Variants in BAZ1B observed in about 807,000 individuals in gnomAD.
BAZ1B encodes the protein tyrosine-protein kinase BAZ1B.
Under a neutral mutation model 153.8 loss-of-function variants are expected in BAZ1B, and 22 were observed. The observed-to-expected ratio is 0.14, with a 90% CI of 0.10 to 0.20. BAZ1B has a LOEUF of 0.20. Among genes scored for constraint, BAZ1B ranks in the 10% least tolerant of loss-of-function variants. The pLI is 1.00. For synonymous variants in BAZ1B, 676 were observed against 633.4 expected (o/e 1.07, Z -1.01); for missense variants, 1,325 against 1,799.3 (o/e 0.74, Z 4.77).
At chr7:73,488,495 GC>G (rs1343965692) in intron 6 of BAZ1B, among the ~76,000 whole-genome samples, 1 of 152,002 alleles carries the variant, frequency 6.6e-6, no homozygotes, top group East Asian at 1.9e-4. Flanking sequence ...ACTTTGGGAG[GC>G]CGAGGCAGGC....
rs184082214 is a variant in BAZ1B at position 73,511,935 on chromosome 7, G to A, written c.108-1083C>T. Reference sequence around the variant, plus strand: ...AATCCCAGCTACTCAGGAGGCTGAGGCAGGAGAATCACTTGAACCTGGGAG... The same window carrying A: ...AATCCCAGCTACTCAGGAGGCTGAGACAGGAGAATCACTTGAACCTGGGAG... On this transcript the variant is annotated intron_variant, in intron 1 of 19. Transcript: ENST00000339594. Among the ~76,000 whole-genome samples the A allele has an allele frequency of 2.8e-3, 422 of 149,216 alleles. 2 individuals carry two copies. Among genetic ancestry groups the A allele is most frequent in the African/African-American group, 0.01 (412 of 40,378 alleles).
At chr7:73,443,864 T>G in intron 17 of BAZ1B, 120 bp downstream of exon 17, 3 of 1,478,766 alleles carry the variant, frequency 2.0e-6, no homozygotes, top group Non-Finnish European at 1.8e-6. Context: ...GCCTCCCAAG[T>G]TTGGTAAGAA....
intron 6 of BAZ1B, among the ~76,000 whole-genome samples, chr7:73,488,506 CGGA>C (rs1369628752): frequency 6.6e-6 from 1 of 151,996 alleles, no homozygotes; most frequent in Non-Finnish European, 1.5e-5. Context: ...CCGAGGCAGG[CGGA>C]TCACTTGAGG....
Position 73,476,930 on chromosome 7 carries a change from C to A in BAZ1B, c.2531G>T (p.Ser844Ile), listed in dbSNP as rs1218745505. 1 of 1,613,062 alleles carries A rather than the reference C, an allele frequency of 6.2e-7. No homozygotes were observed. The highest frequency in any genetic ancestry group is 8.5e-7 in the Non-Finnish European group (1 of 1,179,852). ...EAEDMISAVKSRRLLAIQAKK... is the reference protein window; with the variant it reads ...EAEDMISAVKIRRLLAIQAKK... ...AGCTTGAATGGCAAGCAACCTTCTG[C>A]TCTTCACAGCACTAATCATGTCTTC... Residue 844 changes from serine (S) to isoleucine (I), a missense_variant, in exon 7 of 20, where the codon AGC (serine) becomes ATC (isoleucine). Around this residue, in one of 9 missense-constraint regions of BAZ1B, gnomAD observed 431 missense variants for 563.5 expected, o/e 0.76. Coordinates refer to ENST00000339594, the MANE Select transcript of BAZ1B (RefSeq NM_032408.4).
intron 8 of BAZ1B, 75 bp from the exon 9 acceptor site, chr7:73,469,725 T>C: frequency 2.0e-6 from 3 of 1,533,134 alleles, no homozygotes; most frequent in Non-Finnish European, 2.7e-6. Context: ...CTGGAGAAGA[T>C]AATACAGAGT....
intron 13 of BAZ1B, among the ~76,000 whole-genome samples, chr7:73,454,844 C>G (rs967119396): frequency 6.6e-6 from 1 of 152,066 alleles, no homozygotes; most frequent in Non-Finnish European, 1.5e-5. Flanking sequence ...TTGAGTTCCC[C>G]GAAGGCAAGA....
chr7:73,482,750 C>A (rs1554573859), intron 6 of BAZ1B, among the ~76,000 whole-genome samples: 3 of 152,060 alleles, frequency 2.0e-5, no homozygotes, highest in Non-Finnish European at 4.4e-5. Flanking sequence ...GTCTAGCAAC[C>A]CATTTTTATT....
At chr7:73,462,064 G>A (rs1221530761) in intron 12 of BAZ1B, among the ~76,000 whole-genome samples, 2 of 152,152 alleles carry the variant, frequency 1.3e-5, no homozygotes, top group African/African-American at 4.8e-5. Context: ...AACATGCCCC[G>A]TCTCTACAAA....
rs1554573011 is a variant in BAZ1B at position 73,477,559 on chromosome 7, A to G, written c.1902T>C (p.Ala634=). ...LLPDAQYPIT[A]VSLMEALSAD... ...CACTCAAGGCTTCCATAAGGGACACAGCAGTAATAGGATACTGAGCATCTG... is the reference window on the plus strand; with the variant it reads ...CACTCAAGGCTTCCATAAGGGACACGGCAGTAATAGGATACTGAGCATCTG... The change falls in exon 7 of 20, where the codon GCT becomes GCC. Residue 634 remains alanine (A), a synonymous_variant. Coordinates refer to ENST00000339594, the MANE Select transcript of BAZ1B (RefSeq NM_032408.4). This position sits in a 1 kb window ranked among gnomAD's most constrained non-coding sequence, Gnocchi z 5.6. 1 of 1,614,112 alleles carries G rather than the reference A, an allele frequency of 6.2e-7. No homozygotes were observed. The highest frequency in any genetic ancestry group is 8.5e-7 in the Non-Finnish European group (1 of 1,180,050).
intron 4 of BAZ1B, 66 bp from the exon 5 acceptor site, chr7:73,492,987 C>G (rs1326659256): frequency 6.7e-7 from 1 of 1,487,732 alleles, no homozygotes; most frequent in Non-Finnish European, 9.1e-7. Context: ...CATTCATTAA[C>G]AAGTCTTAAC....
chr7:73,470,656 GTCC>G (rs1788768490), intron 7 of BAZ1B, among the ~76,000 whole-genome samples, 173 bp from the exon 8 acceptor site: 1 of 152,104 alleles, frequency 6.6e-6, no homozygotes, highest in African/African-American at 2.4e-5. Context: ...GCAACATCTA[GTCC>G]TCCTACACTC....
At chr7:73,470,936 T>A (rs1788780584) in intron 7 of BAZ1B, among the ~76,000 whole-genome samples, 1 of 152,288 alleles carries the variant, frequency 6.6e-6, no homozygotes, top group South Asian at 2.1e-4. Flanking sequence ...GGTTTCCCCA[T>A]GTTGTCCAGG....
chr7:73,489,288 G>A lies in BAZ1B; in HGVS notation c.797C>T (p.Thr266Ile). The A allele has an allele frequency of 6.2e-7, 1 of 1,614,170 alleles. No homozygotes were observed. Among genetic ancestry groups the A allele is most frequent in the Non-Finnish European group, 8.5e-7 (1 of 1,180,016 alleles). ...FIRHNALRAG[T>I]GENAPWVVED... ...TACGACCCAAGGTGCATTTTCACCA[G>A]TACCAGCTCGTAATGCATTATGCCG... Residue 266 changes from threonine (T) to isoleucine (I), a missense_variant, in exon 6 of 20, where the codon ACT becomes ATT. This residue lies in a region of BAZ1B where 219 missense variants were observed against 248.2 expected (regional missense o/e 0.88). Coordinates refer to ENST00000339594, the MANE Select transcript of BAZ1B (RefSeq NM_032408.4).
intron 12 of BAZ1B, among the ~76,000 whole-genome samples, chr7:73,461,638 A>G (rs1244106371): frequency 2.0e-5 from 3 of 152,268 alleles, no homozygotes; most frequent in Admixed American, 2.0e-4. Flanking sequence ...AAGATTAATT[A>G]AAAAGAAAAA....
chr7:73,498,472 T>A (rs1790003569), intron 4 of BAZ1B, 25 bp downstream of exon 4: 1 of 1,597,468 alleles, frequency 6.3e-7, no homozygotes, highest in African/African-American at 1.3e-5. Flanking sequence ...CATAAAACAC[T>A]AAGGAAAGCT....
At chr7:73,443,505 A>G (rs1787707523) in intron 17 of BAZ1B, among the ~76,000 whole-genome samples, 2 of 146,306 alleles carry the variant, frequency 1.4e-5, no homozygotes, top group Non-Finnish European at 3.1e-5. Flanking sequence ...TTGATCTGTC[A>G]AAACAAGCAC....
intron 13 of BAZ1B, among the ~76,000 whole-genome samples, chr7:73,453,016 A>G (rs1432122000): frequency 2.0e-5 from 3 of 152,254 alleles, no homozygotes; most frequent in Non-Finnish European, 4.4e-5. Flanking sequence ...CCACTATTAC[A>G]AAAAGAGATT....
intron 1 of BAZ1B, 79 bp downstream of exon 1, chr7:73,521,748 C>A: frequency 1.6e-6 from 2 of 1,262,370 alleles, no homozygotes; most frequent in Non-Finnish European, 2.1e-6. Context: ...GGATGCGCGG[C>A]TGACCTGGTC....
intron 1 of BAZ1B, among the ~76,000 whole-genome samples, chr7:73,512,293 T>C (rs1290858871): frequency 2.6e-5 from 4 of 151,696 alleles, no homozygotes; most frequent in Non-Finnish European, 4.4e-5. Context: ...ATGAGTTTTT[T>C]GTGTGATTTT....
Sources: gnomAD v4.1 joint callset for allele counts (sites outside exome capture counted in the v4.1 genomes callset) on GRCh38, gnomAD v4.1.1 for gene constraint, gnomAD v4.1.1 regional missense constraint, Gnocchi (gnomAD v3.1) non-coding constraint, MANE v1.5 for transcripts, NCBI Gene and HGNC (gene_info 2026-07-23, HGNC 2026-07-21) for gene names.